Variants in CADM2 observed in about 807,000 individuals in gnomAD.
CADM2 encodes the protein immunoglobulin superfamily member 4D.
Under a neutral mutation model 49.8 loss-of-function variants are expected in CADM2, and 12 were observed. The ratio of observed to expected loss-of-function variants is 0.24; its 90% CI spans 0.15 to 0.39. The LOEUF is 0.39. CADM2 is among the 10% of genes least tolerant of loss of function. The pLI is 1.00. For synonymous variants in CADM2, 214 were observed against 175.4 expected (o/e 1.22, Z -1.74); for missense variants, 378 against 492.3 (o/e 0.77, Z 2.20).
chr3:86,050,094 A>C (rs963483053), intron 8 of CADM2, among the ~76,000 whole-genome samples: 4 of 152,170 alleles, frequency 2.6e-5, no homozygotes, highest in Non-Finnish European at 5.9e-5. Context: ...AAAATCAAAA[A>C]CAAGTTTGTT....
intron 1 of CADM2, among the ~76,000 whole-genome samples, chr3:85,393,703 CT>C (rs2034627986): frequency 6.6e-6 from 1 of 151,968 alleles, no homozygotes; most frequent in Non-Finnish European, 1.5e-5. Flanking sequence ...TGATACTAAC[CT>C]TGTAAGATTC....
chr3:85,034,072 G>C (rs1161546118), intron 1 of CADM2, among the ~76,000 whole-genome samples: 1 of 152,046 alleles, frequency 6.6e-6, no homozygotes, highest in Non-Finnish European at 1.5e-5. Context: ...TCACATCAAG[G>C]TAAATGAAGT....
intron 2 of CADM2, among the ~76,000 whole-genome samples, chr3:85,793,204 T>C (rs529552603): frequency 6.6e-6 from 1 of 152,352 alleles, no homozygotes; most frequent in Admixed American, 6.5e-5. Context: ...TTTCAGGATA[T>C]TGAATCATTG....
intron 2 of CADM2, among the ~76,000 whole-genome samples, chr3:85,745,408 G>A (rs1269486184): frequency 6.6e-6 from 1 of 151,900 alleles, no homozygotes; most frequent in African/African-American, 2.4e-5. Flanking sequence ...CATTGTGTTG[G>A]AAGGGGGAAG....
At chr3:85,312,210 T>A (rs1393210064) in intron 1 of CADM2, among the ~76,000 whole-genome samples, 1 of 152,116 alleles carries the variant, frequency 6.6e-6, no homozygotes, top group Non-Finnish European at 1.5e-5. Flanking sequence ...TTGAAGTACC[T>A]CATAAAAAAG....
chr3:85,001,752 G>A (rs755295766), intron 1 of CADM2, among the ~76,000 whole-genome samples: 1 of 151,976 alleles, frequency 6.6e-6, no homozygotes, highest in Non-Finnish European at 1.5e-5. Context: ...TGAATATTAA[G>A]TACCTTAAAA....
chr3:85,549,789 A>ATTTTTTTTT lies in CADM2; in HGVS notation c.62-176727_62-176719dup, dbSNP rs71617942. 4.4e-5 allele frequency among the ~76,000 whole-genome samples: 6 copies of ATTTTTTTTT among 134,842 alleles called. 1 individual carries two copies. Among genetic ancestry groups the ATTTTTTTTT allele is most frequent in the African/African-American group, 1.1e-4 (4 of 36,260 alleles). 88.5% of individuals were successfully genotyped at this position (134,842 alleles called of 152,430 possible). On this transcript the variant is annotated intron_variant, in intron 1 of 9. Transcript: ENST00000383699. ...CAGGCATGTGCCACCATGCTGGGCT[A>ATTTTTTTTT]TTTTTTTTTTTTTTGTATTTTTAGT... is the stretch of plus-strand genomic sequence containing the variant.
chr3:85,881,976 G>A (rs1203808636), intron 3 of CADM2, among the ~76,000 whole-genome samples: 3 of 152,142 alleles, frequency 2.0e-5, no homozygotes, highest in Non-Finnish European at 4.4e-5. Context: ...TCTGACAGGA[G>A]GCAGAGCTCA....
chr3:85,095,133 A>C (rs2107531121), intron 1 of CADM2, among the ~76,000 whole-genome samples: 1 of 152,324 alleles, frequency 6.6e-6, no homozygotes, highest in Non-Finnish European at 1.5e-5. Context: ...GGTTTTCCAA[A>C]GTAATTGTTC....
rs1308121281 is a variant in CADM2, at chr3:85,932,993, C to T, written c.701-2774C>T. Among the ~76,000 whole-genome samples the T allele has an allele frequency of 2.0e-5, 3 of 152,122 alleles. No homozygotes were observed. In the East Asian group the frequency reaches 5.8e-4, roughly 29 times the overall value. ...AATGCTGAATCATACTTCAAGGGAA[C>T]ATTTGTTACACAGATTCTCGCCTCT... On this transcript the variant is annotated intron_variant, in intron 6 of 9. Transcript: ENST00000383699.
At chr3:85,127,162 A>C (rs2039064001) in intron 1 of CADM2, among the ~76,000 whole-genome samples, 1 of 152,144 alleles carries the variant, frequency 6.6e-6, no homozygotes, top group Admixed American at 6.5e-5. Flanking sequence ...AATTTTTTAA[A>C]GGGTGATTAA....
chr3:85,378,532 A>G (rs868203318), intron 1 of CADM2, among the ~76,000 whole-genome samples: 8 of 151,984 alleles, frequency 5.3e-5, no homozygotes, highest in African/African-American at 1.9e-4. Context: ...AACCAAATCT[A>G]TTTATCTTGT....
intron 3 of CADM2, among the ~76,000 whole-genome samples, chr3:85,862,572 A>T (rs1187639441): frequency 1.3e-5 from 2 of 152,188 alleles, no homozygotes; most frequent in Non-Finnish European, 2.9e-5. Context: ...ATCCAGGGTA[A>T]TCATAGTAAC....
intron 2 of CADM2, among the ~76,000 whole-genome samples, chr3:85,755,687 G>T (rs1403207284): frequency 6.6e-6 from 1 of 152,114 alleles, no homozygotes; most frequent in Non-Finnish European, 1.5e-5. Context: ...GCTGGAGCAG[G>T]AGGAAGTGAG....
intron 1 of CADM2, among the ~76,000 whole-genome samples, chr3:85,685,906 G>A (rs1191748158): frequency 7.9e-5 from 12 of 152,124 alleles, no homozygotes; most frequent in Admixed American, 7.9e-4. Flanking sequence ...TTACAGGCAT[G>A]GGCCACCACG....
chr3:85,429,312 T>A (rs78841189), intron 1 of CADM2, among the ~76,000 whole-genome samples: 15,920 of 152,082 alleles, frequency 0.1, 1,083 homozygotes, highest in Non-Finnish European at 0.13. Flanking sequence ...AGAAAGCATT[T>A]TATGCCCCGC....
intron 1 of CADM2, among the ~76,000 whole-genome samples, chr3:85,459,019 G>T (rs1220689986): frequency 6.6e-6 from 1 of 152,108 alleles, no homozygotes; most frequent in Non-Finnish European, 1.5e-5. Flanking sequence ...AGAAAATTGA[G>T]CTTGATTATA....
At chr3:85,427,566 C>A (rs2036471485) in intron 1 of CADM2, among the ~76,000 whole-genome samples, 1 of 151,924 alleles carries the variant, frequency 6.6e-6, no homozygotes, top group South Asian at 2.1e-4. Flanking sequence ...TGAATTAATT[C>A]TAAAATATGA....
At chr3:85,717,347 T>A (rs1372558435) in intron 1 of CADM2, among the ~76,000 whole-genome samples, 3 of 152,192 alleles carry the variant, frequency 2.0e-5, no homozygotes, top group Non-Finnish European at 4.4e-5. Flanking sequence ...ATTGATTTTG[T>A]ATCCTGAGAC....
Sources: gnomAD v4.1 joint callset for allele counts (sites outside exome capture counted in the v4.1 genomes callset) on GRCh38, gnomAD v4.1.1 for gene constraint, MANE v1.5 for transcripts, NCBI Gene and HGNC (gene_info 2026-07-23, HGNC 2026-07-21) for gene names.